CYP7B1: variants seen among roughly 807,000 people sequenced by gnomAD.
The protein encoded by CYP7B1 is cytochrome P450 7B1.
In CYP7B1, 29 loss-of-function variants were observed where a neutral mutation model predicts 42.7. The observed-to-expected ratio is 0.68, with a 90% CI of 0.51 to 0.93. The LOEUF (loss-of-function observed/expected upper bound fraction) is 0.93, where lower values mean the gene tolerates loss of function less well. Among genes scored for constraint, CYP7B1 ranks in the 40% least tolerant of loss-of-function variants. CYP7B1 has a pLI of 0.00. For missense variants in CYP7B1, 655 were observed against 600.5 expected (o/e 1.09, Z -0.95); for synonymous variants, 235 against 218.2 (o/e 1.08, Z -0.68).
At position 64,591,983 on chromosome 8, in the gene CYP7B1, T is replaced by G. The variant is rs1366662158; in HGVS notation, c.*4659A>C. Reference sequence around the variant, plus strand: ...CGGGTGGATCACCTGAGGTCTGGAGTTCGAGACCAGCCTGATCAACATGGT... The same window carrying G: ...CGGGTGGATCACCTGAGGTCTGGAGGTCGAGACCAGCCTGATCAACATGGT... On this transcript the variant is annotated 3_prime_UTR_variant, in exon 6 of 6. Coordinates refer to ENST00000310193, the MANE Select transcript of CYP7B1 (RefSeq NM_004820.5). Among the ~76,000 whole-genome samples, 1 of 151,892 alleles carries G rather than the reference T, an allele frequency of 6.6e-6. No homozygotes were observed. The highest frequency in any genetic ancestry group is 1.5e-5 in the Non-Finnish European group (1 of 67,986).
chr8:64,797,770 A>T (rs1804727073), intron 1 of CYP7B1, among the ~76,000 whole-genome samples: 1 of 152,246 alleles, frequency 6.6e-6, no homozygotes, highest in African/African-American at 2.4e-5. Context: ...AATAGGACCC[A>T]GAAAGAAAGG....
At chr8:64,761,551 T>A (rs1563418783) in intron 1 of CYP7B1, among the ~76,000 whole-genome samples, 1 of 152,166 alleles carries the variant, frequency 6.6e-6, no homozygotes, top group Non-Finnish European at 1.5e-5. Context: ...ATAATATTTT[T>A]AAAATGTATA....
intron 5 of CYP7B1, among the ~76,000 whole-genome samples, chr8:64,599,306 A>G (rs1805164745): frequency 6.6e-6 from 1 of 151,952 alleles, no homozygotes; most frequent in Non-Finnish European, 1.5e-5. Flanking sequence ...CTCCTGCCTC[A>G]GCCTCCCAAG....
rs34869772 is a variant in CYP7B1 at position 64,606,626 on chromosome 8, A to G, written c.1058-1769T>C. Among the ~76,000 whole-genome samples, 480 of 152,290 alleles carry G rather than the reference A, an allele frequency of 3.2e-3. 7 individuals are homozygous for G. The highest frequency in any genetic ancestry group is 0.011 in the African/African-American group (468 of 41,578). ...CGCCCACCACAGTATCACAAATGAC[A>G]ATTGGGCAAGCATATCTTATGTAGA... On this transcript the variant is annotated intron_variant, in intron 4 of 5. Transcript: ENST00000310193.
intron 1 of CYP7B1, among the ~76,000 whole-genome samples, chr8:64,691,485 G>GGT (rs1387155729): frequency 1.3e-5 from 2 of 149,260 alleles, no homozygotes; most frequent in Admixed American, 6.7e-5. Flanking sequence ...TGGCAACTGG[G>GGT]GGGGGGGGGT....
At chr8:64,702,141 A>T (rs576190163) in intron 1 of CYP7B1, among the ~76,000 whole-genome samples, 6 of 152,190 alleles carry the variant, frequency 3.9e-5, no homozygotes, top group South Asian at 4.1e-4. Flanking sequence ...ACAAATAAAC[A>T]TGACTGGTTT....
chr8:64,633,486 AAC>A (rs1335187933), intron 1 of CYP7B1, among the ~76,000 whole-genome samples: 1 of 152,216 alleles, frequency 6.6e-6, no homozygotes, highest in Non-Finnish European at 1.5e-5. Context: ...TGAAATTAGA[AAC>A]ACAATACTAC....
intron 1 of CYP7B1, among the ~76,000 whole-genome samples, chr8:64,714,979 G>A (rs1270851898): frequency 1.3e-5 from 2 of 152,102 alleles, no homozygotes; most frequent in African/African-American, 2.4e-5. Flanking sequence ...ACCAAATCTA[G>A]GAATAAGGAA....
At chr8:64,751,591 C>T (rs1192987399) in intron 1 of CYP7B1, among the ~76,000 whole-genome samples, 1 of 151,936 alleles carries the variant, frequency 6.6e-6, no homozygotes, top group Non-Finnish European at 1.5e-5. Flanking sequence ...TGATTATTTC[C>T]CAGGGACAAA....
intron 1 of CYP7B1, among the ~76,000 whole-genome samples, chr8:64,798,184 G>A (rs1210202609): frequency 1.3e-5 from 2 of 152,230 alleles, no homozygotes; most frequent in Non-Finnish European, 2.9e-5. Flanking sequence ...CACACAATGT[G>A]TCTGTGATGC....
intron 1 of CYP7B1, among the ~76,000 whole-genome samples, chr8:64,794,175 C>A (rs1804667718): frequency 1.3e-5 from 2 of 152,156 alleles, no homozygotes; most frequent in South Asian, 4.1e-4. Context: ...AAGTGGCTGG[C>A]AATCAAGGAG....
At chr8:64,798,236 T>G (rs1297228366) in intron 1 of CYP7B1, among the ~76,000 whole-genome samples, 3 of 152,240 alleles carry the variant, frequency 2.0e-5, no homozygotes, top group Admixed American at 6.5e-5. Context: ...CAACTTACGC[T>G]GGAGCAGCAA....
intron 1 of CYP7B1, among the ~76,000 whole-genome samples, chr8:64,657,120 AAGCTCCTCAGAT>A (rs1806132262): frequency 2.1e-4 from 1 of 4,870 alleles, no homozygotes; most frequent in Admixed American, 1.9e-3. Context: ...CCCTCAGATC[AAGCTCCTCAGAT>A]CAAGCTTTAG....
intron 1 of CYP7B1, among the ~76,000 whole-genome samples, chr8:64,782,150 A>G (rs1377651106): frequency 6.6e-6 from 1 of 152,082 alleles, no homozygotes; most frequent in South Asian, 2.1e-4. Flanking sequence ...CCATGACACC[A>G]CTTTCTGCAA....
At chr8:64,676,963 C>T (rs1427241306) in intron 1 of CYP7B1, among the ~76,000 whole-genome samples, 1 of 151,972 alleles carries the variant, frequency 6.6e-6, no homozygotes, top group African/African-American at 2.4e-5. Flanking sequence ...AATTAAGAGA[C>T]AAAACTGGTA....
At chr8:64,615,258 G>T (rs1449980076) in intron 3 of CYP7B1, 26 bp from the exon 4 acceptor site, 2 of 1,590,670 alleles carry the variant, frequency 1.3e-6, no homozygotes, top group Admixed American at 1.7e-5. Flanking sequence ...TGAAAAGGAA[G>T]ATTAATAGCG....
chr8:64,730,751 G>GTACA (rs150772916), intron 1 of CYP7B1, among the ~76,000 whole-genome samples: 1 of 142,864 alleles, frequency 7.0e-6, no homozygotes, highest in Non-Finnish European at 1.5e-5. Context: ...AGGACTGTCT[G>GTACA]CACACACACA....
At chr8:64,667,133 A>G (rs904286233) in intron 1 of CYP7B1, among the ~76,000 whole-genome samples, 15 of 152,196 alleles carry the variant, frequency 9.9e-5, no homozygotes, top group Admixed American at 3.9e-4. Context: ...TTTATTCTCA[A>G]AAAGAAAAAA....
chr8:64,705,861 C>T (rs188909871), intron 1 of CYP7B1, among the ~76,000 whole-genome samples: 1 of 151,946 alleles, frequency 6.6e-6, no homozygotes, highest in Non-Finnish European at 1.5e-5. Context: ...AATAATTGCA[C>T]TGAAAATGCT....
Sources: allele counts gnomAD v4.1 joint callset (sites outside exome capture counted in the v4.1 genomes callset), GRCh38; gene constraint gnomAD v4.1.1; transcripts MANE v1.5; gene names NCBI Gene and HGNC (gene_info 2026-07-23, HGNC 2026-07-21).